The following TASP1 variants were observed in gnomAD, a reference collection of about 807,000 sequenced individuals.
The protein encoded by TASP1 is taspase 1.
A neutral mutation model predicts 56.6 loss-of-function variants in TASP1; 16 were observed. The observed-to-expected ratio is 0.28, with a 90% CI of 0.19 to 0.43. The LOEUF is 0.43. TASP1 is among the 20% of genes least tolerant of loss of function. TASP1 has a pLI of 1.00. For missense variants in TASP1, 393 were observed against 511.6 expected, an observed-to-expected ratio of 0.77 and a Z score of 2.24; for synonymous variants, 179 against 184.2, an observed-to-expected ratio of 0.97 and a Z score of 0.23.
the TASP1 span, among the ~76,000 whole-genome samples, chr20:13,145,779 T>TA: frequency 6.6e-6 from 1 of 152,176 alleles, no homozygotes; most frequent in Non-Finnish European, 1.5e-5. Flanking sequence ...ATGATACTGG[T>TA]AAGAAAACAG....
intron 11 of TASP1, among the ~76,000 whole-genome samples, chr20:13,447,434 G>A (rs145725760): frequency 4.2e-4 from 64 of 152,144 alleles, no homozygotes; most frequent in African/African-American, 1.5e-3. Flanking sequence ...AATTTTGTTT[G>A]GGGCAGAAAA....
intron 8 of TASP1, among the ~76,000 whole-genome samples, chr20:13,535,988 T>C (rs1027008223): frequency 1.3e-5 from 2 of 152,206 alleles, no homozygotes; most frequent in African/African-American, 2.4e-5. Context: ...AGATGGATAA[T>C]CTTAAAGAGA....
chr20:13,541,391 T>G (rs2045615426), intron 8 of TASP1, among the ~76,000 whole-genome samples: 1 of 152,114 alleles, frequency 6.6e-6, no homozygotes, highest in Non-Finnish European at 1.5e-5. Context: ...TATCAATATA[T>G]AAATAAATCC....
chr20:13,267,476 C>T, the TASP1 span, among the ~76,000 whole-genome samples: 1 of 152,194 alleles, frequency 6.6e-6, no homozygotes, highest in Non-Finnish European at 1.5e-5. Context: ...TGTGTAGACA[C>T]AACCCAACCC....
At chr20:13,337,181 T>C in the TASP1 span, among the ~76,000 whole-genome samples, 1 of 152,170 alleles carries the variant, frequency 6.6e-6, no homozygotes, top group East Asian at 1.9e-4. Flanking sequence ...TTTCCTTCTC[T>C]GGGGAATTTT....
At chr20:13,520,054 C>A (rs1436952007) in intron 10 of TASP1, among the ~76,000 whole-genome samples, 3 of 152,124 alleles carry the variant, frequency 2.0e-5, no homozygotes, top group Admixed American at 2.0e-4. Flanking sequence ...AGCTAGGAAT[C>A]CAACTTACAA....
the TASP1 span, among the ~76,000 whole-genome samples, chr20:13,220,977 C>T: frequency 2.0e-5 from 3 of 152,306 alleles, no homozygotes; most frequent in South Asian, 4.1e-4. Flanking sequence ...TGGTACAGCC[C>T]GGCAGGCTGA....
chr20:13,157,734 C>T, the TASP1 span, among the ~76,000 whole-genome samples: 5 of 152,120 alleles, frequency 3.3e-5, no homozygotes, highest in East Asian at 1.9e-4. Context: ...TTATCTATTA[C>T]AGGTAGGAGT....
chr20:13,616,093 ACAAT>A (rs372120183), intron 4 of TASP1, among the ~76,000 whole-genome samples: 1 of 152,170 alleles, frequency 6.6e-6, no homozygotes, highest in African/African-American at 2.4e-5. Flanking sequence ...ACACACACAC[ACAAT>A]CATTCAAAAA....
At chr20:13,254,234 A>AAAAT in the TASP1 span, among the ~76,000 whole-genome samples, 22,627 of 150,662 alleles carry the variant, frequency 0.15, 1,748 homozygotes, top group East Asian at 0.25. Flanking sequence ...CTCCATCTCA[A>AAAAT]AAATAAATAA....
chr20:13,142,807 A>G, the TASP1 span, among the ~76,000 whole-genome samples: 5 of 152,150 alleles, frequency 3.3e-5, no homozygotes, highest in African/African-American at 9.7e-5. Context: ...CTGGCTGTCA[A>G]TGGGAACACT....
chr20:13,164,489 T>C, the TASP1 span: 2 of 538,420 alleles, frequency 3.7e-6, no homozygotes, highest in Admixed American at 5.4e-5. Context: ...TCACATGTTT[T>C]TATTCTTCTC....
At chr20:13,302,221 T>C in the TASP1 span, among the ~76,000 whole-genome samples, 1 of 152,188 alleles carries the variant, frequency 6.6e-6, no homozygotes, top group African/African-American at 2.4e-5. Flanking sequence ...ATTTGCCTTT[T>C]AATATCAGAC....
intron 3 of TASP1, among the ~76,000 whole-genome samples, chr20:13,624,136 A>T (rs540515356): frequency 6.6e-6 from 1 of 152,346 alleles, no homozygotes; most frequent in East Asian, 1.9e-4. Context: ...AAAGTCATTT[A>T]TAAATGAATT....
the TASP1 span, among the ~76,000 whole-genome samples, chr20:13,328,402 T>C: frequency 6.6e-6 from 1 of 152,218 alleles, no homozygotes; most frequent in Non-Finnish European, 1.5e-5. Context: ...AGTGTGGTGA[T>C]TCCTCAAATA....
intron 1 of TASP1, among the ~76,000 whole-genome samples, chr20:13,632,073 C>T (rs967288025): frequency 1.4e-5 from 2 of 139,756 alleles, no homozygotes; most frequent in Admixed American, 1.5e-4. Flanking sequence ...TACAGATTTC[C>T]TTATTTTTTG....
the TASP1 span, among the ~76,000 whole-genome samples, chr20:13,161,066 A>T: frequency 6.6e-6 from 1 of 152,234 alleles, no homozygotes. Context: ...AAAACAAGAG[A>T]TGACAAGGCT....
intron 4 of TASP1, among the ~76,000 whole-genome samples, chr20:13,613,494 G>C (rs568426974): frequency 1.3e-5 from 2 of 152,146 alleles, no homozygotes; most frequent in African/African-American, 4.8e-5. Context: ...AAAATTAGCA[G>C]ATATTTGCAA....
At chr20:13,573,134 C>T (rs6042218) in intron 6 of TASP1, among the ~76,000 whole-genome samples, 90,432 of 152,124 alleles carry the variant, frequency 0.59, 27,754 homozygotes, top group Non-Finnish European at 0.67. Flanking sequence ...ACTTGCTATA[C>T]TTGGAAATAA....
Sources: allele counts gnomAD v4.1 joint callset (sites outside exome capture counted in the v4.1 genomes callset), GRCh38; gene constraint gnomAD v4.1.1; transcripts MANE v1.5; gene names NCBI Gene and HGNC (gene_info 2026-07-23, HGNC 2026-07-21).